Variants in THAP4 observed in about 807,000 individuals in gnomAD.
THAP4 encodes peroxynitrite isomerase THAP4.
A neutral mutation model predicts 48.1 loss-of-function variants in THAP4; 18 were observed. That is an observed-to-expected ratio of 0.37 (90% CI 0.26 to 0.56). The LOEUF (loss-of-function observed/expected upper bound fraction) is 0.56. Among genes scored for constraint, THAP4 ranks in the 20% least tolerant of loss-of-function variants. The pLI is 0.78. For synonymous variants in THAP4, 345 were observed against 324.9 expected, an observed-to-expected ratio of 1.06 and a Z score of -0.66; for missense variants, 656 against 774.9, an observed-to-expected ratio of 0.85 and a Z score of 1.82.
chr2:241,617,222 T>G (rs1471806304), intron 2 of THAP4, among the ~76,000 whole-genome samples: 1 of 152,192 alleles, frequency 6.6e-6, no homozygotes, highest in African/African-American at 2.4e-5. Context: ...AAAAATACTA[T>G]AAAGGACCTA....
In THAP4 at chr2:241,602,097, C is replaced by G; in HGVS notation, c.1511-98G>C. The G allele has an allele frequency of 2.6e-6, 3 of 1,176,316 alleles. No homozygotes were observed. In the South Asian group the frequency reaches 4.2e-5, roughly 17 times the overall value. The allele number at this position is 1,176,316 out of a possible 1,614,324, so 72.9% of individuals were successfully genotyped here. On this transcript the variant is annotated intron_variant, in intron 4 of 5. Coordinates refer to ENST00000407315, the MANE Select transcript of THAP4 (RefSeq NM_015963.6). ...CTGCAAGCCGGGACTCCACAGGAGG[C>G]CCCAACTCTGCAGCTGTGGAAGCAA... is the stretch of plus-strand genomic sequence containing the variant.
In THAP4 at chr2:241,633,479, A is replaced by G. The variant is rs2067595776; in HGVS notation, c.678T>C (p.Ser226=). The change falls in exon 2 of 6, where the codon TCT becomes TCC. Residue 226 remains serine (S), a synonymous_variant. Transcript: ENST00000407315. This position sits in a 1 kb window ranked among gnomAD's most constrained non-coding sequence, Gnocchi z 7.5. ...GTGAGCCGATAAATTTGCACGCCCC[A>G]GATCCTGGGGGCGTAAAGTCATCCA... ...ISMDDFTPPG[S]GACKFIGSLH... 6.2e-7 allele frequency: 1 copy of G among 1,614,090 alleles called. No homozygotes were observed. Among genetic ancestry groups the G allele is most frequent in the Non-Finnish European group, 8.5e-7 (1 of 1,180,010 alleles).
chr2:241,627,371 A>G (rs1286535020), intron 2 of THAP4, among the ~76,000 whole-genome samples: 1 of 152,256 alleles, frequency 6.6e-6, no homozygotes, highest in Non-Finnish European at 1.5e-5. Flanking sequence ...AGGCGTTGGT[A>G]TCCTTACTGT....
chr2:241,618,307 T>C (rs1285371293), intron 2 of THAP4, among the ~76,000 whole-genome samples: 1 of 152,216 alleles, frequency 6.6e-6, no homozygotes, highest in Non-Finnish European at 1.5e-5. Context: ...CTATAAAATA[T>C]AAAAAGGCCA....
At chr2:241,620,222 C>T (rs1365248334) in intron 2 of THAP4, among the ~76,000 whole-genome samples, 1 of 16,148 alleles carries the variant, frequency 6.2e-5, no homozygotes, top group Non-Finnish European at 1.0e-4. Context: ...GTGAGTGAGT[C>T]GGTGAGTGAG....
intron 5 of THAP4, among the ~76,000 whole-genome samples, chr2:241,590,754 C>G (rs2066959624): frequency 6.6e-6 from 1 of 150,582 alleles, no homozygotes; most frequent in African/African-American, 2.4e-5. Flanking sequence ...ACACTCAGAA[C>G]TGCCCGGCTG....
upstream of THAP4, chr2:241,637,351 C>T: frequency 1.5e-6 from 2 of 1,317,398 alleles, no homozygotes; most frequent in South Asian, 1.3e-5. Context: ...GCGCGCCGAG[C>T]ACGTCCGTAC....
chr2:241,606,797 G>T (rs1156654661), intron 2 of THAP4, among the ~76,000 whole-genome samples: 2 of 152,198 alleles, frequency 1.3e-5, no homozygotes, highest in Non-Finnish European at 2.9e-5. Context: ...AAGGGATACT[G>T]AGGGACCTCA....
intron 2 of THAP4, among the ~76,000 whole-genome samples, chr2:241,608,833 G>C (rs1266808571): frequency 1.3e-5 from 2 of 152,218 alleles, no homozygotes; most frequent in Non-Finnish European, 2.9e-5. Flanking sequence ...AAAGGGACAA[G>C]GACACCCTCC....
intron 5 of THAP4, among the ~76,000 whole-genome samples, chr2:241,599,227 G>A (rs1430617137): frequency 6.6e-6 from 1 of 150,820 alleles, no homozygotes; most frequent in Non-Finnish European, 1.5e-5. Flanking sequence ...ATTCCAGCCT[G>A]GGCAACAGAT....
intron 5 of THAP4, among the ~76,000 whole-genome samples, chr2:241,593,853 C>G (rs937778376): frequency 6.6e-6 from 1 of 152,042 alleles, no homozygotes; most frequent in Non-Finnish European, 1.5e-5. Flanking sequence ...AGCCCGGCTA[C>G]TTTTTGTATT....
Position 241,601,746 on chromosome 2 carries a change from G to A in THAP4, c.1614+150C>T. On this transcript the variant is annotated intron_variant, in intron 5 of 5. Transcript: ENST00000407315. The surrounding 1 kb of genome is among the most constrained non-coding windows in gnomAD (Gnocchi z 4.0). ...ATTTAGGGAACATCCACCCTGGATG[G>A]TCCGAGAAGGGAAAAGAAGGAGACA... 1 of 1,443,418 alleles carries A rather than the reference G, an allele frequency of 6.9e-7. No individual in the cohort carries two copies. The highest frequency in any genetic ancestry group is 9.4e-7 in the Non-Finnish European group (1 of 1,062,988). 89.4% of individuals were successfully genotyped at this position (1,443,418 alleles called of 1,614,324 possible).
At chr2:241,597,788 C>T (rs537056771) in intron 5 of THAP4, among the ~76,000 whole-genome samples, 4 of 152,276 alleles carry the variant, frequency 2.6e-5, no homozygotes, top group African/African-American at 7.2e-5. Flanking sequence ...TCCATTAAGT[C>T]GCTCGGTAGA....
rs1240330854 is a variant in THAP4, at chr2:241,620,270, GGTGAGTGAGTC to G, written c.1240+12636_1240+12646del. On this transcript the variant is annotated intron_variant, in intron 2 of 5. Transcript: ENST00000407315. ...AGTGAGGAGTGAGTGAGGGGTGAGG[GGTGAGTGAGTC>G]GTGAGTGAGGGGTGAGTGAGTCGTG... Among the ~76,000 whole-genome samples the G allele has an allele frequency of 2.8e-3, 225 of 80,380 alleles. 17 individuals are homozygous for G. The highest frequency in any genetic ancestry group is 9.3e-3 in the Middle Eastern group (1 of 108). 52.7% of individuals were successfully genotyped at this position (80,380 alleles called of 152,430 possible).
At chr2:241,593,171 C>T (rs573132370) in intron 5 of THAP4, among the ~76,000 whole-genome samples, 86 of 152,006 alleles carry the variant, frequency 5.7e-4, no homozygotes, top group Non-Finnish European at 8.8e-4. Context: ...CTTGAGCCCA[C>T]GAGGTGCAGG....
At chr2:241,622,974 T>C (rs7421435) in intron 2 of THAP4, among the ~76,000 whole-genome samples, 18 of 152,038 alleles carry the variant, frequency 1.2e-4, no homozygotes, top group Non-Finnish European at 2.4e-4. Context: ...TCCCAGCACT[T>C]TGGGAGGCCG....
rs573194253 is a variant in THAP4 at position 241,635,864 on chromosome 2, C to T, written c.77+1077G>A. ...AACTGCTATTTGCTCCACCTGAGGC[C>T]AGTGTGGACCAGGACAAATCCTAAC... On this transcript the variant is annotated intron_variant, in intron 1 of 5. Transcript: ENST00000407315. Among the ~76,000 whole-genome samples the T allele has an allele frequency of 2.6e-5, 4 of 152,270 alleles. No individual in the cohort carries two copies. The South Asian group carries it at 8.3e-4, about 32-fold the overall frequency.
intron 5 of THAP4, among the ~76,000 whole-genome samples, chr2:241,595,115 C>A (rs959872110): frequency 6.6e-6 from 1 of 151,992 alleles, no homozygotes; most frequent in Non-Finnish European, 1.5e-5. Flanking sequence ...CAGGTTCAAG[C>A]GATTCTCCTG....
chr2:241,585,630 GTCAAGGGGT>G (rs1397001142), intron 5 of THAP4, among the ~76,000 whole-genome samples: 2 of 152,128 alleles, frequency 1.3e-5, no homozygotes, highest in Non-Finnish European at 2.9e-5. Flanking sequence ...CTGCCCGGAA[GTCAAGGGGT>G]TCAAGGGGTG....
Sources: gnomAD v4.1 joint callset for allele counts (sites outside exome capture counted in the v4.1 genomes callset) on GRCh38, gnomAD v4.1.1 for gene constraint, Gnocchi (gnomAD v3.1) non-coding constraint, MANE v1.5 for transcripts, NCBI Gene and HGNC (gene_info 2026-07-23, HGNC 2026-07-21) for gene names.